CNTD1: variants seen among roughly 807,000 people sequenced by gnomAD.
The protein encoded by CNTD1 is cyclin N-terminal domain containing 1.
In CNTD1, 17 loss-of-function variants were observed where a neutral mutation model predicts 36.3. The observed-to-expected ratio is 0.47, with a 90% CI of 0.32 to 0.70. The LOEUF is 0.70. Ranked by LOEUF, CNTD1 falls within the 30% of genes least tolerant of loss-of-function variation. CNTD1 has a pLI of 0.03. For synonymous variants in CNTD1, 128 were observed against 153.3 expected, an observed-to-expected ratio of 0.83 and a Z score of 1.22; for missense variants, 338 against 386.1, an observed-to-expected ratio of 0.88 and a Z score of 1.04.
intron 5 of CNTD1, among the ~76,000 whole-genome samples, chr17:42,807,392 G>A (rs1007755524): frequency 1.3e-5 from 2 of 151,862 alleles, no homozygotes; most frequent in Admixed American, 6.6e-5. Flanking sequence ...TCCAGCCTGG[G>A]CAACAGAGAG....
chr17:42,799,752 CA>C (rs780393099), intron 1 of CNTD1, among the ~76,000 whole-genome samples: 182 of 10,584 alleles, frequency 0.017, no homozygotes, highest in East Asian at 0.087. Flanking sequence ...AACTCCGTCT[CA>C]AAAAAAAAAA....
chr17:42,805,500 C>A, intron 3 of CNTD1: 1 of 348,164 alleles, frequency 2.9e-6, no homozygotes. Context: ...AAGGGAGATC[C>A]AGGTATAGAA....
At chr17:42,804,596 T>C (rs2054847917) in intron 3 of CNTD1, among the ~76,000 whole-genome samples, 200 bp downstream of exon 3, 1 of 152,128 alleles carries the variant, frequency 6.6e-6, no homozygotes, top group African/African-American at 2.4e-5. Context: ...TCACCTGAGA[T>C]CAGGAGTTCA....
Position 42,799,248 on chromosome 17 carries a change from G to A in CNTD1, c.169+12G>A. The A allele has an allele frequency of 6.2e-7, 1 of 1,610,086 alleles. No homozygotes were observed. The highest frequency in any genetic ancestry group is 1.7e-4 in the Middle Eastern group (1 of 6,008). ...GCCCCAGATCGTGGGTGCGGCTGCAGGGCCGGGGTGCTGGGTTCTTGGGAG... is the reference window on the plus strand; with the variant it reads ...GCCCCAGATCGTGGGTGCGGCTGCAAGGCCGGGGTGCTGGGTTCTTGGGAG... On this transcript the variant is annotated intron_variant, in intron 1 of 6. Transcript: ENST00000588408.
At chr17:42,808,296 C>T (rs2054914187) in intron 6 of CNTD1, among the ~76,000 whole-genome samples, 1 of 152,006 alleles carries the variant, frequency 6.6e-6, no homozygotes, top group South Asian at 2.1e-4. Flanking sequence ...CACCTGTAAT[C>T]CCAGCACTTT....
intron 4 of CNTD1, 66 bp downstream of exon 4, chr17:42,805,950 G>A (rs1420646418): frequency 1.4e-6 from 2 of 1,441,464 alleles, no homozygotes; most frequent in Non-Finnish European, 1.9e-6. Flanking sequence ...AATGTGCATG[G>A]GGGGGCATGG....
In CNTD1 at chr17:42,811,093, A is replaced by C. The variant is rs1195991560; in HGVS notation, c.*1558A>C. Reference sequence around the variant, plus strand: ...TTTGCTTGAAAGCCAAAAATCAAGAAGACTGTCACAAGAGCCTCATTGTCA... The same window carrying C: ...TTTGCTTGAAAGCCAAAAATCAAGACGACTGTCACAAGAGCCTCATTGTCA... On this transcript the variant is annotated 3_prime_UTR_variant, in exon 7 of 7. Transcript: ENST00000588408. 5 of 649,942 alleles carry C rather than the reference A, an allele frequency of 7.7e-6. No homozygotes were observed. Among genetic ancestry groups the C allele is most frequent in the Non-Finnish European group, 1.2e-5 (5 of 409,740 alleles). 40.3% of individuals were successfully genotyped at this position (649,942 alleles called of 1,614,324 possible).
In CNTD1 at chr17:42,810,479, AAAAGC is replaced by A. The variant is rs1215812156; in HGVS notation, c.*948_*952del. On this transcript the variant is annotated 3_prime_UTR_variant, in exon 7 of 7. Coordinates refer to ENST00000588408, the MANE Select transcript of CNTD1 (RefSeq NM_173478.3). ...TCAATTCAACTCAGTTAAAAAAAAG[AAAAGC>A]AAATTTAAATTAGTTTTTTTCAGAG... 4.3e-5 allele frequency: 10 copies of A among 234,808 alleles called. No individual in the cohort carries two copies. In the East Asian group the frequency reaches 8.7e-4, roughly 20 times the overall value. 14.5% of individuals were successfully genotyped at this position (234,808 alleles called of 1,614,324 possible).
At chr17:42,801,200 AC>A (rs1175696329) in intron 1 of CNTD1, among the ~76,000 whole-genome samples, 31 of 147,876 alleles carry the variant, frequency 2.1e-4, no homozygotes, top group East Asian at 3.9e-4. Context: ...AAAAAAAAAA[AC>A]AACAACAAAA....
chr17:42,807,678 AATAATTC>A, intron 5 of CNTD1, 83 bp from the exon 6 acceptor site: 1 of 942,070 alleles, frequency 1.1e-6, no homozygotes, highest in Admixed American at 1.9e-5. Flanking sequence ...GATCGACACA[AATAATTC>A]ATAGTTGAAG....
chr17:42,806,106 T>C (rs2054874879), intron 4 of CNTD1, among the ~76,000 whole-genome samples: 1 of 151,998 alleles, frequency 6.6e-6, no homozygotes, highest in Admixed American at 6.6e-5. Flanking sequence ...TGGGCACCTG[T>C]AATCCCAGCT....
rs2054975325 is a variant in CNTD1, at chr17:42,810,596, A to G, written c.*1061A>G. 2 of 696,914 alleles carry G rather than the reference A, an allele frequency of 2.9e-6. No individual in the cohort carries two copies. The highest frequency in any genetic ancestry group is 4.3e-6 in the Non-Finnish European group (2 of 461,598). The allele number at this position is 696,914 out of a possible 1,614,324, so 43.2% of individuals were successfully genotyped here. On this transcript the variant is annotated 3_prime_UTR_variant, in exon 7 of 7. Transcript: ENST00000588408. ...ATGGCATGTTGTAGCTCTGGAAAGT[A>G]TCTGTCACATGATATTTTAAAATAA...
At chr17:42,807,962 T>C in intron 6 of CNTD1, 98 bp downstream of exon 6, 1 of 898,006 alleles carries the variant, frequency 1.1e-6, no homozygotes, top group Non-Finnish European at 1.8e-6. Context: ...CCTACAGAAG[T>C]GCCAAGACCC....
chr17:42,806,904 A>G (rs2054888782), intron 5 of CNTD1, 86 bp downstream of exon 5: 5 of 1,308,082 alleles, frequency 3.8e-6, no homozygotes, highest in Non-Finnish European at 5.4e-6. Flanking sequence ...GAATTAGCCT[A>G]GCATGGCATC....
At position 42,810,802 on chromosome 17, in the gene CNTD1, C is replaced by T. The variant is rs772387312; in HGVS notation, c.*1267C>T. On this transcript the variant is annotated 3_prime_UTR_variant, in exon 7 of 7. Transcript: ENST00000588408. Reference sequence around the variant, plus strand: ...GTGAGGACACCCAAGCAAGACCCCACTTAAGATTCGTCAGCATGAACTTGA... The same window carrying T: ...GTGAGGACACCCAAGCAAGACCCCATTTAAGATTCGTCAGCATGAACTTGA... 6.2e-7 allele frequency: 1 copy of T among 1,613,642 alleles called. No individual in the cohort carries two copies. Among genetic ancestry groups the T allele is most frequent in the Non-Finnish European group, 8.5e-7 (1 of 1,179,826 alleles).
Position 42,809,540 on chromosome 17 carries a change from G to A in CNTD1, c.*5G>A, listed in dbSNP as rs1471136938. 3 of 1,613,244 alleles carry A rather than the reference G, an allele frequency of 1.9e-6. No homozygotes were observed. The highest frequency in any genetic ancestry group is 1.7e-5 in the Admixed American group (1 of 59,950). ...GTTGCTTCCTCTAACACATGAGGGA[G>A]GCTGAATCCACCAAATATAAACAGC... On this transcript the variant is annotated 3_prime_UTR_variant, in exon 7 of 7. Transcript: ENST00000588408.
rs572191622 is a variant in CNTD1 at position 42,799,405 on chromosome 17, C to T, written c.169+169C>T. Among the ~76,000 whole-genome samples, 9 of 152,250 alleles carry T rather than the reference C, an allele frequency of 5.9e-5. No individual in the cohort carries two copies. In the South Asian group the frequency reaches 1.0e-3, roughly 18 times the overall value. On this transcript the variant is annotated intron_variant, in intron 1 of 6. Transcript: ENST00000588408. Reference sequence around the variant, plus strand: ...GGATAAGTCACAACAGTGCCCTCCCCTTGATTTCTTCGACATGTATGGAAT... The same window carrying T: ...GGATAAGTCACAACAGTGCCCTCCCTTTGATTTCTTCGACATGTATGGAAT...
intron 3 of CNTD1, among the ~76,000 whole-genome samples, chr17:42,804,982 T>C (rs1268209224): frequency 6.6e-6 from 1 of 152,082 alleles, no homozygotes; most frequent in Non-Finnish European, 1.5e-5. Flanking sequence ...AGTTATTAAA[T>C]AGCCTGAAGT....
chr17:42,801,550 A>ATGTG (rs1567660364), intron 1 of CNTD1, among the ~76,000 whole-genome samples: 1 of 49,314 alleles, frequency 2.0e-5, no homozygotes, highest in African/African-American at 7.2e-5. Context: ...TATATATAAT[A>ATGTG]TATGTGTGTG....
Sources: gnomAD v4.1 joint callset for allele counts (sites outside exome capture counted in the v4.1 genomes callset) on GRCh38, gnomAD v4.1.1 for gene constraint, MANE v1.5 for transcripts, NCBI Gene and HGNC (gene_info 2026-07-23, HGNC 2026-07-21) for gene names.